The following RILPL1 variants were observed in gnomAD, a reference collection of about 807,000 sequenced individuals.
The protein encoded by RILPL1 is Rab interacting lysosomal protein like 1.
In RILPL1, 33 loss-of-function variants were observed where a neutral mutation model predicts 50.3. That is an observed-to-expected ratio of 0.66 (90% CI 0.50 to 0.88). The LOEUF is 0.88. Among genes scored for constraint, RILPL1 ranks in the 40% least tolerant of loss-of-function variants. The pLI is 0.00. For synonymous variants in RILPL1, 205 were observed against 228.6 expected (o/e 0.90, Z 0.93); for missense variants, 418 against 542.5 (o/e 0.77, Z 2.28).
rs1171420273 is a variant in RILPL1 at position 123,485,306 on chromosome 12, T to TTTCA, written c.974+323_974+326dup. ...ATAGACCATTAACACCGGGGCCGGG[T>TTTCA]TTCATTCATTCATTCATTTAAAAAA... On this transcript the variant is annotated intron_variant, in intron 5 of 6. Coordinates refer to ENST00000376874, the MANE Select transcript of RILPL1 (RefSeq NM_178314.5). This position sits in a 1 kb window ranked among gnomAD's most constrained non-coding sequence, Gnocchi z 4.0. The TTTCA allele has an allele frequency of 1.3e-5, 6 of 462,830 alleles. No individual in the cohort carries two copies. The highest frequency in any genetic ancestry group is 1.0e-4 in the Admixed American group (4 of 39,202). 28.7% of individuals were successfully genotyped at this position (462,830 alleles called of 1,614,324 possible). A position where few individuals can be genotyped will look rare whatever the true frequency, so the allele number is the denominator to read the frequency against.
intron 4 of RILPL1, among the ~76,000 whole-genome samples, chr12:123,493,390 G>A (rs1199572822): frequency 6.6e-6 from 1 of 152,114 alleles, no homozygotes; most frequent in Non-Finnish European, 1.5e-5. Flanking sequence ...AAACACCCAC[G>A]AATGATCAAT....
intron 6 of RILPL1, among the ~76,000 whole-genome samples, chr12:123,480,445 G>A (rs1035755877): frequency 6.6e-6 from 1 of 152,008 alleles, no homozygotes; most frequent in African/African-American, 2.4e-5. Context: ...TACAGGTTGA[G>A]CCACCGTGCC....
Position 123,533,499 on chromosome 12 carries a change from T to G in RILPL1, c.-17A>C. The G allele has an allele frequency of 6.7e-7, 1 of 1,488,566 alleles. No individual in the cohort carries two copies. 92.2% of individuals were successfully genotyped at this position (1,488,566 alleles called of 1,614,324 possible). On this transcript the variant is annotated 5_prime_UTR_variant, in exon 1 of 7. Transcript: ENST00000376874. This position sits in a 1 kb window ranked among gnomAD's most constrained non-coding sequence, Gnocchi z 6.2. Reference sequence around the variant, plus strand: ...CTCCTCCATGGCCACCCTCCTGGCCTGTCCCCCGCCCCGCAAACTCGTGCA... The same window carrying G: ...CTCCTCCATGGCCACCCTCCTGGCCGGTCCCCCGCCCCGCAAACTCGTGCA...
At position 123,513,577 on chromosome 12, in the gene RILPL1, C is replaced by G. The variant is rs111811544; in HGVS notation, c.460+9918G>C. The G allele has an allele frequency of 2.2e-3, 450 of 204,034 alleles. 4 individuals carry two copies. The highest frequency in any genetic ancestry group is 9.9e-3 in the African/African-American group (426 of 43,192). 12.6% of individuals were successfully genotyped at this position (204,034 alleles called of 1,614,324 possible). A position where few individuals can be genotyped will look rare whatever the true frequency, so the allele number is the denominator to read the frequency against. ...CTTTCCCTTCAGGCCTCGGTGCTCT[C>G]GAGAGGCCTGTGCACGCTTCATCGA... On this transcript the variant is annotated intron_variant, in intron 2 of 6. Transcript: ENST00000376874.
At chr12:123,512,908 G>A (rs1233582852) in intron 2 of RILPL1, among the ~76,000 whole-genome samples, 3 of 125,060 alleles carry the variant, frequency 2.4e-5, no homozygotes, top group African/African-American at 7.7e-5. Context: ...GTGTGAGTGC[G>A]TGTATGTGTG....
Position 123,471,815 on chromosome 12 carries a change from T to G in RILPL1, c.*723A>C, listed in dbSNP as rs571398976. On this transcript the variant is annotated 3_prime_UTR_variant, in exon 7 of 7. Transcript: ENST00000376874. ...AAAAAAAAGTGCACACAAGAAATGTTGCAACATCTCATCCTTAGCAACTTT... is the reference window on the plus strand; with the variant it reads ...AAAAAAAAGTGCACACAAGAAATGTGGCAACATCTCATCCTTAGCAACTTT... 42 of 152,792 alleles carry G rather than the reference T, an allele frequency of 2.7e-4. No homozygotes were observed. Among genetic ancestry groups the G allele is most frequent in the African/African-American group, 9.1e-4 (38 of 41,582 alleles). The allele number at this position is 152,792 out of a possible 1,614,324, so 9.5% of individuals were successfully genotyped here.
chr12:123,475,598 A>C, intron 6 of RILPL1: 1 of 1,042,708 alleles, frequency 9.6e-7, no homozygotes, highest in Non-Finnish European at 1.4e-6. Context: ...CAGCCCCAGC[A>C]GTAGCCGAAG....
intron 2 of RILPL1, among the ~76,000 whole-genome samples, chr12:123,503,487 G>A (rs1002367248): frequency 6.6e-6 from 1 of 151,884 alleles, no homozygotes; most frequent in Non-Finnish European, 1.5e-5. Flanking sequence ...ATAGGCATGA[G>A]CCACCGTGCC....
chr12:123,512,370 GGT>G (rs1387638082), intron 2 of RILPL1, among the ~76,000 whole-genome samples: 99 of 135,318 alleles, frequency 7.3e-4, no homozygotes, highest in Non-Finnish European at 1.3e-3. Context: ...GTGTGTGTGT[GGT>G]GTGTCTGAGG....
chr12:123,525,404 G>T (rs1489973995), intron 1 of RILPL1, among the ~76,000 whole-genome samples: 2 of 144,294 alleles, frequency 1.4e-5, no homozygotes, highest in African/African-American at 5.1e-5. Flanking sequence ...TTTTTTTAGA[G>T]ATGGGGTATT....
At position 123,498,493 on chromosome 12, in the gene RILPL1, AC is replaced by A; in HGVS notation, c.801+50del. On this transcript the variant is annotated intron_variant, in intron 4 of 6. Coordinates refer to ENST00000376874, the MANE Select transcript of RILPL1 (RefSeq NM_178314.5). The surrounding 1 kb of genome is among the most constrained non-coding windows in gnomAD (Gnocchi z 4.3). ...AGGCAACCCTGCCTGCCTTAAGCCA[AC>A]CCCCAGACTGACCCTCTGCTACCAC... The A allele has an allele frequency of 6.4e-7, 1 of 1,554,686 alleles. No homozygotes were observed. The highest frequency in any genetic ancestry group is 8.8e-7 in the Non-Finnish European group (1 of 1,131,524).
chr12:123,512,827 G>A (rs28684071), intron 2 of RILPL1, among the ~76,000 whole-genome samples: 9,027 of 141,122 alleles, frequency 0.064, 966 homozygotes, highest in African/African-American at 0.22. Context: ...GTGTATGTGT[G>A]AGGTCTGTGT....
intron 5 of RILPL1, chr12:123,484,798 A>G: frequency 4.0e-6 from 1 of 248,878 alleles, no homozygotes; most frequent in Non-Finnish European, 8.1e-6. Flanking sequence ...CTGGGACTAC[A>G]GGGTGAGCCA....
rs7296458 is a variant in RILPL1, at chr12:123,530,755, G to T, written c.309+2419C>A. Among the ~76,000 whole-genome samples the T allele has an allele frequency of 6.0e-3, 915 of 152,288 alleles. 10 individuals are homozygous for T. The highest frequency in any genetic ancestry group is 0.02 in the African/African-American group (841 of 41,558). The stretch of plus-strand genomic sequence containing the variant: ...CTTTCTTCCCTGTTACCCGCCTGCT[G>T]CCTGACATGAGACTTTGCTTTTCTC... On this transcript the variant is annotated intron_variant, in intron 1 of 6. Coordinates refer to ENST00000376874, the MANE Select transcript of RILPL1 (RefSeq NM_178314.5).
At chr12:123,527,662 C>CA (rs964398857) in intron 1 of RILPL1, among the ~76,000 whole-genome samples, 6 of 151,322 alleles carry the variant, frequency 4.0e-5, no homozygotes, top group South Asian at 2.1e-4. Flanking sequence ...AACTGTGTCT[C>CA]AAAAAAAAGA....
rs2139298912 is a variant in RILPL1, at chr12:123,472,415, G to A, written c.*123C>T. ...TCCTCAAATCAGACAGTCTGTTTGA[G>A]GGGTCAGTTTTCAGGGTGCATCTGC... On this transcript the variant is annotated 3_prime_UTR_variant, in exon 7 of 7. Coordinates refer to ENST00000376874, the MANE Select transcript of RILPL1 (RefSeq NM_178314.5). 1.0e-6 allele frequency: 1 copy of A among 1,004,732 alleles called. No individual in the cohort carries two copies. The highest frequency in any genetic ancestry group is 1.4e-6 in the Non-Finnish European group (1 of 690,622). 62.2% of individuals were successfully genotyped at this position (1,004,732 alleles called of 1,614,324 possible).
intron 2 of RILPL1, among the ~76,000 whole-genome samples, chr12:123,506,467 A>G (rs992372881): frequency 6.6e-6 from 1 of 152,204 alleles, no homozygotes; most frequent in East Asian, 1.9e-4. Context: ...AGGAAGGGGC[A>G]GCCAGAGAGG....
At position 123,485,875 on chromosome 12, in the gene RILPL1, G is replaced by A; in HGVS notation, c.802-70C>T. On this transcript the variant is annotated intron_variant, in intron 4 of 6. Transcript: ENST00000376874. This position sits in a 1 kb window ranked among gnomAD's most constrained non-coding sequence, Gnocchi z 4.0. Reference sequence around the variant, plus strand: ...GCCAGCACCCACTCTCTATCCTGAAGGAGCCCAAATTCTCCCCCTCCCGGG... The same window carrying A: ...GCCAGCACCCACTCTCTATCCTGAAAGAGCCCAAATTCTCCCCCTCCCGGG... 2.0e-6 allele frequency: 3 copies of A among 1,472,518 alleles called. No individual in the cohort carries two copies. Among genetic ancestry groups the A allele is most frequent in the Non-Finnish European group, 2.7e-6 (3 of 1,110,128 alleles). 91.2% of individuals were successfully genotyped at this position (1,472,518 alleles called of 1,614,324 possible).
At chr12:123,524,515 C>T (rs1459383979) in intron 1 of RILPL1, among the ~76,000 whole-genome samples, 1 of 152,072 alleles carries the variant, frequency 6.6e-6, no homozygotes, top group Non-Finnish European at 1.5e-5. Context: ...ATTCCCAGTA[C>T]CCAAAAGGAG....
Sources: allele counts gnomAD v4.1 joint callset (sites outside exome capture counted in the v4.1 genomes callset), GRCh38; gene constraint gnomAD v4.1.1; non-coding constraint Gnocchi (gnomAD v3.1); transcripts MANE v1.5; gene names NCBI Gene and HGNC (gene_info 2026-07-23, HGNC 2026-07-21).